PCBP3: variants seen among roughly 807,000 people sequenced by gnomAD.
The protein encoded by PCBP3 is poly(rC)-binding protein 3.
PCBP3 carries 25 observed loss-of-function variants against 52.7 expected under a neutral mutation model. The ratio of observed to expected loss-of-function variants is 0.47; its 90% confidence interval spans 0.35 to 0.66. PCBP3 has a LOEUF of 0.66. Ranked by LOEUF, PCBP3 falls within the 30% of genes least tolerant of loss-of-function variation. The probability of loss-of-function intolerance (pLI) is 0.01; values close to 1 mark genes in which losing one functional copy is unlikely to be tolerated. For missense variants in PCBP3, 391 were observed against 490.3 expected (o/e 0.80, Z 1.91); for synonymous variants, 162 against 183.0 (o/e 0.89, Z 0.93).
chr21:45,703,340 A>G (rs2083248870), intron 2 of PCBP3, among the ~76,000 whole-genome samples: 1 of 152,216 alleles, frequency 6.6e-6, no homozygotes, highest in Admixed American at 6.5e-5. Flanking sequence ...TACAAAATGT[A>G]TTTCTTAAGT....
At chr21:45,676,636 T>C (rs1274924704) in intron 2 of PCBP3, among the ~76,000 whole-genome samples, 1 of 152,202 alleles carries the variant, frequency 6.6e-6, no homozygotes, top group East Asian at 1.9e-4. Flanking sequence ...AGCCGACCAT[T>C]CCATCTGTCT....
chr21:45,927,598 C>CCCCAGCA (rs1365111763), intron 13 of PCBP3, among the ~76,000 whole-genome samples: 1 of 151,622 alleles, frequency 6.6e-6, no homozygotes, highest in Admixed American at 6.6e-5. Flanking sequence ...ACAGATGCTC[C>CCCCAGCA]CCCAGCACCG....
chr21:45,718,244 A>T (rs1307368298), intron 2 of PCBP3, among the ~76,000 whole-genome samples: 4 of 149,020 alleles, frequency 2.7e-5, no homozygotes, highest in Non-Finnish European at 4.5e-5. Context: ...AGATTTGTCA[A>T]TTTTTTGATC....
chr21:45,693,321 AAG>A (rs2082590273), intron 2 of PCBP3, among the ~76,000 whole-genome samples: 1 of 152,148 alleles, frequency 6.6e-6, no homozygotes. Flanking sequence ...TAACTGAAAG[AAG>A]ACAGACATAA....
intron 4 of PCBP3, among the ~76,000 whole-genome samples, chr21:45,769,310 G>A (rs1208473067): frequency 1.3e-5 from 2 of 152,200 alleles, no homozygotes; most frequent in African/African-American, 4.8e-5. Flanking sequence ...AGTGTTGGAC[G>A]ACCCATTCCT....
intron 1 of PCBP3, among the ~76,000 whole-genome samples, chr21:45,663,166 TCTC>T (rs957706093): frequency 3.4e-5 from 5 of 148,034 alleles, no homozygotes; most frequent in Non-Finnish European, 7.5e-5. Context: ...CTGTCTCCTC[TCTC>T]TCTCTCTCTC....
intron 2 of PCBP3, among the ~76,000 whole-genome samples, chr21:45,679,301 A>G (rs2081676605): frequency 6.6e-6 from 1 of 151,836 alleles, no homozygotes; most frequent in Admixed American, 6.6e-5. Context: ...TTATATTTTT[A>G]GTAGAGACGA....
intron 4 of PCBP3, among the ~76,000 whole-genome samples, chr21:45,770,106 C>T (rs774383442): frequency 8.5e-5 from 13 of 152,204 alleles, no homozygotes; most frequent in Non-Finnish European, 1.6e-4. Context: ...GCATAATCGA[C>T]GGCGACCCGG....
chr21:45,678,096 C>G (rs2081580417), intron 2 of PCBP3, among the ~76,000 whole-genome samples: 1 of 152,104 alleles, frequency 6.6e-6, no homozygotes, highest in Non-Finnish European at 1.5e-5. Flanking sequence ...AATCCCAGCA[C>G]TTTGGGAGGC....
Position 45,780,361 on chromosome 21 carries a change from G to A in PCBP3, c.-126+24909G>A, listed in dbSNP as rs368057909. Among the ~76,000 whole-genome samples, 4 of 152,202 alleles carry A rather than the reference G, an allele frequency of 2.6e-5. No individual in the cohort carries two copies. The East Asian group carries it at 5.8e-4, about 22-fold the overall frequency. On this transcript the variant is annotated intron_variant, in intron 4 of 17. Transcript: ENST00000681687. ...TATTGAAGTCTCTCTCTGGAAAGAG[G>A]TTATAAATTCTAGTTATGATCTGAT... is the stretch of plus-strand genomic sequence containing the variant.
intron 5 of PCBP3, among the ~76,000 whole-genome samples, chr21:45,885,706 C>T (rs1376265168): frequency 1.3e-5 from 2 of 152,122 alleles, no homozygotes; most frequent in East Asian, 3.9e-4. Context: ...CTTTCAGTTG[C>T]CTGCATCTCC....
chr21:45,723,749 C>T (rs566717475), intron 2 of PCBP3, among the ~76,000 whole-genome samples: 6 of 152,316 alleles, frequency 3.9e-5, no homozygotes, highest in South Asian at 2.1e-4. Flanking sequence ...ATGCCAGGCC[C>T]GGGGTCGAGC....
At chr21:45,847,998 T>A (rs924149460) in intron 4 of PCBP3, among the ~76,000 whole-genome samples, 1 of 152,214 alleles carries the variant, frequency 6.6e-6, no homozygotes, top group African/African-American at 2.4e-5. Flanking sequence ...GTCTCTCACC[T>A]CTTGGTCAGC....
At chr21:45,810,252 G>A (rs1431888695) in intron 4 of PCBP3, among the ~76,000 whole-genome samples, 1 of 151,318 alleles carries the variant, frequency 6.6e-6, no homozygotes, top group Non-Finnish European at 1.5e-5. Context: ...GTGTGAGAGA[G>A]TGTGTGTGAC....
chr21:45,888,029 G>T (rs1350184710), intron 5 of PCBP3, among the ~76,000 whole-genome samples: 1 of 152,214 alleles, frequency 6.6e-6, no homozygotes, highest in African/African-American at 2.4e-5. Context: ...ATTTCCGGAG[G>T]GGGCTAACGG....
chr21:45,734,520 C>T (rs945964422), intron 2 of PCBP3, among the ~76,000 whole-genome samples: 3 of 152,162 alleles, frequency 2.0e-5, no homozygotes, highest in South Asian at 2.1e-4. Context: ...CCCAGCCCAC[C>T]GACTTCCAGA....
chr21:45,840,456 C>CAAAAAA (rs36059363), intron 4 of PCBP3, among the ~76,000 whole-genome samples: 90 of 87,992 alleles, frequency 1.0e-3, no homozygotes, highest in African/African-American at 4.0e-3. Flanking sequence ...GACCCTGTCT[C>CAAAAAA]AAAAAAAAAA....
intron 2 of PCBP3, among the ~76,000 whole-genome samples, chr21:45,694,993 G>A (rs918471536): frequency 2.6e-5 from 4 of 152,078 alleles, no homozygotes; most frequent in African/African-American, 7.2e-5. Context: ...AAAAGACTTC[G>A]AATAGCACAG....
chr21:45,865,316 A>G (rs779770661), intron 5 of PCBP3, among the ~76,000 whole-genome samples: 199 of 152,332 alleles, frequency 1.3e-3, no homozygotes, highest in Non-Finnish European at 2.3e-3. Flanking sequence ...AAAAATTACA[A>G]AATCGTAGCC....
Sources: gnomAD v4.1 joint callset for allele counts (sites outside exome capture counted in the v4.1 genomes callset) on GRCh38, gnomAD v4.1.1 for gene constraint, MANE v1.5 for transcripts, NCBI Gene and HGNC (gene_info 2026-07-23, HGNC 2026-07-21) for gene names.